The following CCNY variants were observed in gnomAD, a reference collection of about 807,000 sequenced individuals.
CCNY encodes the protein cyclin-Y.
A neutral mutation model predicts 42.8 loss-of-function variants in CCNY; 19 were observed. The ratio of observed to expected loss-of-function variants is 0.44; its 90% CI spans 0.31 to 0.65. The LOEUF (loss-of-function observed/expected upper bound fraction) is 0.65. Ranked by LOEUF, CCNY falls within the 30% of genes least tolerant of loss-of-function variation. The probability of loss-of-function intolerance (pLI) is 0.07; values close to 1 mark genes in which losing one functional copy is unlikely to be tolerated. For missense variants in CCNY, 370 were observed against 437.3 expected, an observed-to-expected ratio of 0.85 and a Z score of 1.37; for synonymous variants, 165 against 162.7, an observed-to-expected ratio of 1.01 and a Z score of -0.11.
At chr10:35,454,187 C>T (rs1439889252) in intron 1 of CCNY, among the ~76,000 whole-genome samples, 2 of 152,174 alleles carry the variant, frequency 1.3e-5, no homozygotes, top group African/African-American at 4.8e-5. Context: ...AGTACCCTGC[C>T]CAACGGCACG....
intron 7 of CCNY, among the ~76,000 whole-genome samples, chr10:35,551,920 T>C (rs1235261600): frequency 6.6e-6 from 1 of 152,192 alleles, no homozygotes; most frequent in Non-Finnish European, 1.5e-5. Context: ...CCTTGTGCAT[T>C]GCTGAAATGT....
rs901055035 is a variant in CCNY, at chr10:35,530,748, G to A, written c.579+505G>A. ...TATTCAGAGACAGTATGGAGGTAACGTATATTTTAAGACTCAAGAAAAAAT... is the reference window on the plus strand; with the variant it reads ...TATTCAGAGACAGTATGGAGGTAACATATATTTTAAGACTCAAGAAAAAAT... On this transcript the variant is annotated intron_variant, in intron 7 of 9. Transcript: ENST00000374704. The surrounding 1 kb of genome is among the most constrained non-coding windows in gnomAD (Gnocchi z 4.3). Among the ~76,000 whole-genome samples, 2 of 152,150 alleles carry A rather than the reference G, an allele frequency of 1.3e-5. No homozygotes were observed. Among genetic ancestry groups the A allele is most frequent in the Non-Finnish European group, 1.5e-5 (1 of 68,024 alleles).
intron 3 of CCNY, among the ~76,000 whole-genome samples, chr10:35,310,154 A>G (rs935819911): frequency 6.6e-6 from 1 of 152,168 alleles, no homozygotes; most frequent in Non-Finnish European, 1.5e-5. Flanking sequence ...CAAGTTTCCT[A>G]CATATTAGAG....
chr10:35,259,143 G>A (rs7914468), intron 3 of CCNY, among the ~76,000 whole-genome samples: 55,521 of 151,942 alleles, frequency 0.37, 10,647 homozygotes, highest in African/African-American at 0.49. Flanking sequence ...CCGGGTAATT[G>A]TTATCTAGAT....
chr10:35,359,866 C>G (rs1290287274), intron 1 of CCNY, among the ~76,000 whole-genome samples: 1 of 152,206 alleles, frequency 6.6e-6, no homozygotes, highest in Non-Finnish European at 1.5e-5. Flanking sequence ...ACAATATTTG[C>G]CTTCTTGGAA....
chr10:35,433,847 G>A (rs977118934), intron 1 of CCNY, among the ~76,000 whole-genome samples: 1 of 152,208 alleles, frequency 6.6e-6, no homozygotes, highest in African/African-American at 2.4e-5. Flanking sequence ...GACCTCAGGT[G>A]ATCCTTCTGC....
intron 3 of CCNY, among the ~76,000 whole-genome samples, chr10:35,272,669 A>C (rs1835185189): frequency 6.6e-6 from 1 of 152,188 alleles, no homozygotes; most frequent in African/African-American, 2.4e-5. Context: ...CCAGTCTACC[A>C]TTGATGGGCA....
chr10:35,515,497 G>A (rs962510850), intron 3 of CCNY, among the ~76,000 whole-genome samples: 3 of 152,112 alleles, frequency 2.0e-5, no homozygotes, highest in African/African-American at 7.2e-5. Context: ...GGTCTCTAAC[G>A]TTGAGGCTTC....
At chr10:35,478,795 T>A (rs1413285210) in intron 1 of CCNY, among the ~76,000 whole-genome samples, 1 of 152,198 alleles carries the variant, frequency 6.6e-6, no homozygotes, top group East Asian at 1.9e-4. Flanking sequence ...AAATGGGATC[T>A]AATTAAACTA....
chr10:35,474,378 T>A (rs1839458443), intron 1 of CCNY, among the ~76,000 whole-genome samples: 1 of 152,208 alleles, frequency 6.6e-6, no homozygotes, highest in Non-Finnish European at 1.5e-5. Context: ...CAGTAACCTC[T>A]GCAGACTTAA....
intron 3 of CCNY, among the ~76,000 whole-genome samples, chr10:35,275,171 C>T (rs1420907236): frequency 7.3e-6 from 1 of 136,874 alleles, no homozygotes; most frequent in Non-Finnish European, 1.5e-5. Context: ...TCAAGCAATT[C>T]TTCTACCTCA....
At chr10:35,261,132 C>T (rs2095719222) in intron 3 of CCNY, among the ~76,000 whole-genome samples, 1 of 151,032 alleles carries the variant, frequency 6.6e-6, no homozygotes, top group African/African-American at 2.4e-5. Context: ...GAAAACAAAA[C>T]AAAACTGAAT....
intron 1 of CCNY, among the ~76,000 whole-genome samples, chr10:35,420,051 A>G (rs546894232): frequency 3.5e-4 from 51 of 145,542 alleles, no homozygotes; most frequent in South Asian, 1.5e-3. Flanking sequence ...TTAATTTTCT[A>G]TTGTTCTTAA....
chr10:35,472,241 A>G (rs1234144147), intron 1 of CCNY, among the ~76,000 whole-genome samples: 1 of 152,232 alleles, frequency 6.6e-6, no homozygotes, highest in East Asian at 1.9e-4. Flanking sequence ...GGAAAATGAG[A>G]TCAGAATAGT....
chr10:35,447,541 C>T (rs1400463080), intron 1 of CCNY, among the ~76,000 whole-genome samples: 1 of 152,132 alleles, frequency 6.6e-6, no homozygotes, highest in Non-Finnish European at 1.5e-5. Flanking sequence ...TGCACGTTTC[C>T]ATTTCTTAAG....
intron 8 of CCNY, among the ~76,000 whole-genome samples, chr10:35,555,413 T>C (rs1841344008): frequency 6.6e-6 from 1 of 152,204 alleles, no homozygotes; most frequent in African/African-American, 2.4e-5. Flanking sequence ...GTTGTATTCA[T>C]TGAAGGTTTA....
In CCNY at chr10:35,553,169, A is replaced by T; in HGVS notation, c.730A>T (p.Ile244Phe). The T allele has an allele frequency of 6.2e-7, 1 of 1,614,152 alleles. No homozygotes were observed. Among genetic ancestry groups the T allele is most frequent in the Non-Finnish European group, 8.5e-7 (1 of 1,179,986 alleles). ...NVDYCQILKD[I>F]TVEDMNELER... ...GGATTACTGCCAGATCCTGAAAGAC[A>T]TCACGGTGGAGGACATGTGAGTTGG... The change falls in exon 8 of 10, where the codon ATC becomes TTC. Residue 244 changes from isoleucine to phenylalanine, a missense_variant. Coordinates refer to ENST00000374704, the MANE Select transcript of CCNY (RefSeq NM_145012.6).
chr10:35,458,704 G>C (rs1221338464), intron 1 of CCNY, among the ~76,000 whole-genome samples: 1 of 152,178 alleles, frequency 6.6e-6, no homozygotes, highest in African/African-American at 2.4e-5. Context: ...AGAATGCCAG[G>C]GACATGTGAG....
intron 1 of CCNY, among the ~76,000 whole-genome samples, chr10:35,348,883 T>TG (rs1836366188): frequency 6.6e-6 from 1 of 151,638 alleles, no homozygotes; most frequent in African/African-American, 2.4e-5. Context: ...AAATCTAAGT[T>TG]GGGTTTTTTT....
Sources: gnomAD v4.1 joint callset for allele counts (sites outside exome capture counted in the v4.1 genomes callset) on GRCh38, gnomAD v4.1.1 for gene constraint, Gnocchi (gnomAD v3.1) non-coding constraint, MANE v1.5 for transcripts, NCBI Gene and HGNC (gene_info 2026-07-23, HGNC 2026-07-21) for gene names.